LRP2: variants seen among roughly 807,000 people sequenced by gnomAD.
LRP2 encodes the protein low-density lipoprotein receptor-related protein 2.
In LRP2, 172 loss-of-function variants were observed where a neutral mutation model predicts 531.0. The observed-to-expected ratio is 0.32, with a 90% CI of 0.29 to 0.37. The LOEUF is 0.37. Among genes scored for constraint, LRP2 ranks in the 10% least tolerant of loss-of-function variants. The probability of loss-of-function intolerance (pLI) is 1.00; values close to 1 mark genes in which losing one functional copy is unlikely to be tolerated. For synonymous variants in LRP2, 1,992 were observed against 2,027.6 expected, an observed-to-expected ratio of 0.98 and a Z score of 0.47; for missense variants, 5,167 against 5,868.3, an observed-to-expected ratio of 0.88 and a Z score of 3.90.
At chr2:169,144,903 G>A (rs974919162) in intron 70 of LRP2, among the ~76,000 whole-genome samples, 1 of 152,136 alleles carries the variant, frequency 6.6e-6, no homozygotes, top group Non-Finnish European at 1.5e-5. Flanking sequence ...TGAACACTGG[G>A]CCAATACAGC....
At chr2:169,328,634 A>G (rs1218277872) in intron 1 of LRP2, among the ~76,000 whole-genome samples, 2 of 152,118 alleles carry the variant, frequency 1.3e-5, no homozygotes, top group Non-Finnish European at 2.9e-5. Context: ...TATACAATAT[A>G]TAAAGCTTTA....
chr2:169,129,365 C>G (rs1685204156), intron 77 of LRP2, among the ~76,000 whole-genome samples: 1 of 152,214 alleles, frequency 6.6e-6, no homozygotes, highest in Admixed American at 6.5e-5. Flanking sequence ...ACAAGCAAAT[C>G]ACCTGGTTAC....
intron 47 of LRP2, among the ~76,000 whole-genome samples, chr2:169,193,263 C>CAA (rs11378293): frequency 2.2e-4 from 32 of 146,026 alleles, no homozygotes; most frequent in Non-Finnish European, 4.1e-4. Flanking sequence ...TTCGTCTCTA[C>CAA]AAAAAAAAAA....
At position 169,128,429 on chromosome 2, in the gene LRP2, T is replaced by G. The variant is rs1359211053; in HGVS notation, c.*234A>C. 2.2e-6 allele frequency: 1 copy of G among 446,610 alleles called. No individual in the cohort carries two copies. Among genetic ancestry groups the G allele is most frequent in the Non-Finnish European group, 4.1e-6 (1 of 246,602 alleles). The allele number at this position is 446,610 out of a possible 1,614,324, so 27.7% of individuals were successfully genotyped here. On this transcript the variant is annotated 3_prime_UTR_variant, in exon 79 of 79. Transcript: ENST00000649046. ...ACAAATATACAATATATTTATAGTA[T>G]TACCTTCAGACAACTTCAGTGCAAA...
intron 4 of LRP2, among the ~76,000 whole-genome samples, chr2:169,305,676 T>G (rs1409697560): frequency 6.6e-6 from 1 of 152,152 alleles, no homozygotes; most frequent in South Asian, 2.1e-4. Flanking sequence ...TTCTTGAAGT[T>G]TGAAATATAA....
chr2:169,341,701 G>C (rs2105559232), intron 1 of LRP2, among the ~76,000 whole-genome samples: 1 of 152,306 alleles, frequency 6.6e-6, no homozygotes, highest in East Asian at 1.9e-4. Flanking sequence ...TTAGAGTTAA[G>C]TATGTGAGGC....
Position 169,289,085 on chromosome 2 carries a change from C to T in LRP2, c.983G>A (p.Gly328Glu). ...QYQCHETPYGGACFCPPGYII... is the reference protein window; with the variant it reads ...QYQCHETPYGEACFCPPGYII... ...ATAACCTGGGGGACAAAAACACGCTCCTCCATACGGCGTCTCATGGCACTG... is the reference window on the plus strand; with the variant it reads ...ATAACCTGGGGGACAAAAACACGCTTCTCCATACGGCGTCTCATGGCACTG... Residue 328 changes from glycine to glutamate, a missense_variant, in exon 9 of 79, where the codon GGA (glycine) becomes GAA (glutamate). Transcript: ENST00000649046. 1 of 1,614,124 alleles carries T rather than the reference C, an allele frequency of 6.2e-7. No homozygotes were observed. The highest frequency in any genetic ancestry group is 8.5e-7 in the Non-Finnish European group (1 of 1,179,998).
chr2:169,338,449 A>G (rs1685481318), intron 1 of LRP2, among the ~76,000 whole-genome samples: 1 of 151,026 alleles, frequency 6.6e-6, no homozygotes, highest in Non-Finnish European at 1.5e-5. Flanking sequence ...CGGAGGGAGG[A>G]AAGGAAGGAA....
At chr2:169,314,109 G>A (rs533990187) in intron 3 of LRP2, among the ~76,000 whole-genome samples, 4 of 152,228 alleles carry the variant, frequency 2.6e-5, no homozygotes, top group Non-Finnish European at 5.9e-5. Flanking sequence ...CTTTTCAAAC[G>A]ACAAGTAAAC....
chr2:169,137,511 A>AAGAGAGAGAGAG lies in LRP2; in HGVS notation c.13519-30_13519-19dup. Reference sequence around the variant, plus strand: ...TCTTCACTCTGATGGCAGAGACAGAAAGAGAGAGAGAGAGAGAGAGAGAAA... The same window carrying AAGAGAGAGAGAG: ...TCTTCACTCTGATGGCAGAGACAGAAAGAGAGAGAGAGAGAGAGAGAGAGAGAGAGAGAGAAA... On this transcript the variant is annotated intron_variant, in intron 75 of 78. Transcript: ENST00000649046. 7.8e-7 allele frequency: 1 copy of AAGAGAGAGAGAG among 1,275,218 alleles called. No homozygotes were observed. Among genetic ancestry groups the AAGAGAGAGAGAG allele is most frequent in the Non-Finnish European group, 1.1e-6 (1 of 879,046 alleles). The allele number at this position is 1,275,218 out of a possible 1,614,324, so 79.0% of individuals were successfully genotyped here. A position where few individuals can be genotyped will look rare whatever the true frequency, so the allele number is the denominator to read the frequency against.
intron 30 of LRP2, among the ~76,000 whole-genome samples, chr2:169,232,979 A>G (rs974520257): frequency 6.6e-6 from 1 of 152,200 alleles, no homozygotes; most frequent in Admixed American, 6.5e-5. Flanking sequence ...CATACCATGC[A>G]CTTTAGGACA....
chr2:169,222,939 C>T (rs991804862), intron 33 of LRP2, among the ~76,000 whole-genome samples: 2 of 152,172 alleles, frequency 1.3e-5, no homozygotes, highest in Non-Finnish European at 2.9e-5. Flanking sequence ...ACCTCTGCCT[C>T]CAATCACTAG....
rs183016303 is a variant in LRP2 at position 169,348,072 on chromosome 2, A to G, written c.79+14249T>C. On this transcript the variant is annotated intron_variant, in intron 1 of 78. Coordinates refer to ENST00000649046, the MANE Select transcript of LRP2 (RefSeq NM_004525.3). ...ACTTAGTAACTGAATTGCTTTGGGC[A>G]AATTACCTCACCTGTCATTGTCTTG... 1.8e-4 allele frequency among the ~76,000 whole-genome samples: 27 copies of G among 152,350 alleles called. No individual in the cohort carries two copies. In the East Asian group the frequency reaches 4.6e-3, roughly 26 times the overall value.
chr2:169,170,526 G>A, intron 59 of LRP2, 25 bp downstream of exon 59: 6 of 1,574,704 alleles, frequency 3.8e-6, no homozygotes, highest in Non-Finnish European at 5.2e-6. Flanking sequence ...AAAATTCTAT[G>A]GTAAGCTTCT....
At chr2:169,152,118 C>G (rs528678521) in intron 67 of LRP2, among the ~76,000 whole-genome samples, 1 of 152,216 alleles carries the variant, frequency 6.6e-6, no homozygotes, top group Non-Finnish European at 1.5e-5. Flanking sequence ...AACTTCTCCA[C>G]ATCCATTTGT....
Position 169,205,538 on chromosome 2 carries a change from C to T in LRP2, c.7656G>A (p.Met2552Ile), listed in dbSNP as rs1688346371. Residue 2552 changes from methionine (M) to isoleucine (I), a missense_variant, in exon 41 of 79, where the codon ATG becomes ATA. By Grantham distance (10) the Met-to-Ile change is conservative. Coordinates refer to ENST00000649046, the MANE Select transcript of LRP2 (RefSeq NM_004525.3). ...CATAGTCCAGAGTCAGCCCACTGGG[C>T]ATGACCAGACTGCTGTTCACAATGG... Reference protein sequence around the residue: ...RVPIVNSSLVMPSGLTLDYEE... With the variant: ...RVPIVNSSLVIPSGLTLDYEE... 8 of 1,613,984 alleles carry T rather than the reference C, an allele frequency of 5.0e-6. No individual in the cohort carries two copies. Among genetic ancestry groups the T allele is most frequent in the Non-Finnish European group, 6.8e-6 (8 of 1,180,006 alleles).
At chr2:169,273,889 G>A (rs1476224268) in intron 14 of LRP2, among the ~76,000 whole-genome samples, 1 of 152,140 alleles carries the variant, frequency 6.6e-6, no homozygotes, top group Non-Finnish European at 1.5e-5. Flanking sequence ...GTGAGGGCAG[G>A]TGTGAGTTTA....
At position 169,241,134 on chromosome 2, in the gene LRP2, C is replaced by G; in HGVS notation, c.3899G>C (p.Ser1300Thr). ...CTGAGTAGGGCAGTCCTTCTCATCA[C>G]TCATATCCCCGCAGTCATTGTCCCG... Reference protein sequence around the residue: ...CDRDNDCGDMSDEKDCPTQPF... With the variant: ...CDRDNDCGDMTDEKDCPTQPF... The change falls in exon 25 of 79, where the codon AGT becomes ACT. Residue 1300 changes from serine (S) to threonine (T), a missense_variant. This residue lies in a region of LRP2 where 2,811 missense variants were observed against 3,058.0 expected (regional missense o/e 0.92). Coordinates refer to ENST00000649046, the MANE Select transcript of LRP2 (RefSeq NM_004525.3). 1 of 1,614,102 alleles carries G rather than the reference C, an allele frequency of 6.2e-7. No homozygotes were observed. Among genetic ancestry groups the G allele is most frequent in the African/African-American group, 1.3e-5 (1 of 75,068 alleles).
rs753080349 is a variant in LRP2 at position 169,292,277 on chromosome 2, C to A, written c.745G>T (p.Asp249Tyr). The change falls in exon 7 of 79, where the codon GAT (aspartate) becomes TAT (tyrosine). Residue 249 changes from aspartate (D) to tyrosine (Y), a missense_variant. Around this residue, in one of 6 missense-constraint regions of LRP2, gnomAD observed 2,811 missense variants for 3,058.0 expected, o/e 0.92. Transcript: ENST00000649046. ...WVCDGEDDCK[D>Y]NGDEDGCESG... is the part of the protein sequence containing the mutation. ...CCACATCCATCTTCATCTCCATTAT[C>A]TTTACAGTCATCTTCTCCATCACAA... 1.1e-5 allele frequency: 17 copies of A among 1,613,500 alleles called. No individual in the cohort carries two copies. Among genetic ancestry groups the A allele is most frequent in the Non-Finnish European group, 1.4e-5 (17 of 1,179,410 alleles).
Sources: allele counts gnomAD v4.1 joint callset (sites outside exome capture counted in the v4.1 genomes callset), GRCh38; gene constraint gnomAD v4.1.1; regional missense constraint gnomAD v4.1.1; transcripts MANE v1.5; gene names NCBI Gene and HGNC (gene_info 2026-07-23, HGNC 2026-07-21).